The following BBS9 variants were observed in gnomAD, a reference collection of about 807,000 sequenced individuals.
The protein encoded by BBS9 is Bardet-Biedl syndrome 9.
In BBS9, 89 loss-of-function variants were observed where a neutral mutation model predicts 117.7. The observed-to-expected ratio is 0.76, with a 90% CI of 0.64 to 0.90. The LOEUF (loss-of-function observed/expected upper bound fraction) is 0.90, where lower values mean the gene tolerates loss of function less well. BBS9 is among the 40% of genes least tolerant of loss of function. The pLI is 0.00. For synonymous variants in BBS9, 379 were observed against 370.9 expected (o/e 1.02, Z -0.25); for missense variants, 982 against 1,042.2 (o/e 0.94, Z 0.80).
At chr7:33,543,222 C>G (rs1852694808) in intron 21 of BBS9, among the ~76,000 whole-genome samples, 1 of 151,762 alleles carries the variant, frequency 6.6e-6, no homozygotes, top group Non-Finnish European at 1.5e-5. Context: ...TGATGTTGAC[C>G]ATTTTTTCAT....
At chr7:33,500,349 G>A (rs149184191) in intron 19 of BBS9, among the ~76,000 whole-genome samples, 2 of 152,328 alleles carry the variant, frequency 1.3e-5, no homozygotes, top group East Asian at 3.9e-4. Flanking sequence ...ATATTATGGG[G>A]CTGAATATAT....
chr7:33,185,959 A>G (rs1366623002), intron 5 of BBS9, among the ~76,000 whole-genome samples: 2 of 152,198 alleles, frequency 1.3e-5, no homozygotes, highest in Non-Finnish European at 2.9e-5. Context: ...TATGGCAAGA[A>G]ATCACTAATG....
chr7:33,343,899 G>A (rs1441542490), intron 11 of BBS9, among the ~76,000 whole-genome samples: 5 of 152,028 alleles, frequency 3.3e-5, no homozygotes, highest in Admixed American at 6.6e-5. Flanking sequence ...CTTACACAGG[G>A]TGAAAATACA....
intron 21 of BBS9, among the ~76,000 whole-genome samples, chr7:33,541,190 C>T (rs1025597213): frequency 1.3e-5 from 2 of 151,952 alleles, no homozygotes; most frequent in Non-Finnish European, 2.9e-5. Flanking sequence ...GGCAATTCCA[C>T]ATGCCTGAAG....
At chr7:33,161,718 C>G (rs183713763) in intron 4 of BBS9, among the ~76,000 whole-genome samples, 2 of 152,298 alleles carry the variant, frequency 1.3e-5, no homozygotes, top group East Asian at 3.9e-4. Context: ...GATGGTTGAA[C>G]TAGTTTACAC....
intron 19 of BBS9, among the ~76,000 whole-genome samples, chr7:33,401,140 C>G (rs1262082995): frequency 6.6e-6 from 1 of 152,192 alleles, no homozygotes; most frequent in Non-Finnish European, 1.5e-5. Context: ...TTACTCCACC[C>G]CATCTCATCT....
At chr7:33,387,281 A>G (rs564303547) in intron 18 of BBS9, among the ~76,000 whole-genome samples, 1 of 152,218 alleles carries the variant, frequency 6.6e-6, no homozygotes, top group African/African-American at 2.4e-5. Context: ...TTTAAGAGGT[A>G]TTTGTATTAA....
chr7:33,379,186 CT>C (rs2128739358), intron 17 of BBS9, among the ~76,000 whole-genome samples: 1 of 152,322 alleles, frequency 6.6e-6, no homozygotes, highest in Non-Finnish European at 1.5e-5. Flanking sequence ...GTTCTTTTGG[CT>C]TGCAATGCTC....
At chr7:33,481,292 G>A (rs569841177) in intron 19 of BBS9, among the ~76,000 whole-genome samples, 2 of 152,260 alleles carry the variant, frequency 1.3e-5, no homozygotes, top group South Asian at 2.1e-4. Flanking sequence ...ATATAGGAGA[G>A]TAGTATAGGT....
intron 20 of BBS9, among the ~76,000 whole-genome samples, chr7:33,520,602 A>T (rs1848458231): frequency 6.6e-6 from 1 of 152,232 alleles, no homozygotes; most frequent in South Asian, 2.1e-4. Context: ...TCAGAGACAT[A>T]AAGCCACAGT....
At chr7:33,515,059 C>T (rs1228726383) in intron 20 of BBS9, among the ~76,000 whole-genome samples, 2 of 152,086 alleles carry the variant, frequency 1.3e-5, no homozygotes, top group East Asian at 1.9e-4. Flanking sequence ...TTACTATTGC[C>T]ACTGTATGAC....
At chr7:33,448,710 G>A (rs184427528) in intron 19 of BBS9, among the ~76,000 whole-genome samples, 155 of 152,332 alleles carry the variant, frequency 1.0e-3, no homozygotes, top group African/African-American at 3.6e-3. Flanking sequence ...ATCTGAGACA[G>A]TTTATTCATA....
intron 1 of BBS9, among the ~76,000 whole-genome samples, chr7:33,143,190 C>T (rs1221001889): frequency 2.6e-5 from 4 of 152,018 alleles, no homozygotes; most frequent in Admixed American, 6.6e-5. Context: ...AGGATGGTCT[C>T]GATCTCCTGA....
intron 19 of BBS9, among the ~76,000 whole-genome samples, chr7:33,467,090 A>G (rs1449802885): frequency 6.6e-6 from 1 of 152,032 alleles, no homozygotes. Flanking sequence ...AGGACTGTTG[A>G]TCTTTAAAGA....
chr7:33,553,297 G>A (rs1315990931), intron 21 of BBS9, among the ~76,000 whole-genome samples: 1 of 152,158 alleles, frequency 6.6e-6, no homozygotes, highest in African/African-American at 2.4e-5. Context: ...TGAAGAGCTG[G>A]ACAATGTCTG....
intron 17 of BBS9, among the ~76,000 whole-genome samples, chr7:33,372,777 C>T (rs1823106710): frequency 6.6e-6 from 1 of 152,146 alleles, no homozygotes; most frequent in African/African-American, 2.4e-5. Flanking sequence ...GTGAAGCCCT[C>T]AAGTCCTGGG....
At chr7:33,255,961 T>C (rs938486144) in intron 5 of BBS9, among the ~76,000 whole-genome samples, 8 of 151,894 alleles carry the variant, frequency 5.3e-5, no homozygotes, top group African/African-American at 1.7e-4. Context: ...ATCGAGACCA[T>C]CCTGGCCAAC....
rs181412862 is a variant in BBS9 at position 33,441,666 on chromosome 7, G to T, written c.2115+53522G>T. 6.8e-4 allele frequency among the ~76,000 whole-genome samples: 103 copies of T among 152,188 alleles called. 1 individual carries two copies. The highest frequency in any genetic ancestry group is 2.4e-3 in the African/African-American group (98 of 41,520). ...CTATTAAATCAGGAAGTTAATGTTTGCATGGTTGTTAACCCATTTAATTGC... is the reference window on the plus strand; with the variant it reads ...CTATTAAATCAGGAAGTTAATGTTTTCATGGTTGTTAACCCATTTAATTGC... On this transcript the variant is annotated intron_variant, in intron 19 of 22. Coordinates refer to ENST00000242067, the MANE Select transcript of BBS9 (RefSeq NM_198428.3).
At chr7:33,170,358 A>G (rs1353579911) in intron 4 of BBS9, among the ~76,000 whole-genome samples, 2 of 148,542 alleles carry the variant, frequency 1.3e-5, no homozygotes, top group African/African-American at 2.5e-5. Context: ...AAACCACATG[A>G]TTATCTCAAT....
Sources: allele counts gnomAD v4.1 joint callset (sites outside exome capture counted in the v4.1 genomes callset), GRCh38; gene constraint gnomAD v4.1.1; transcripts MANE v1.5; gene names NCBI Gene and HGNC (gene_info 2026-07-23, HGNC 2026-07-21).